The following USF1 variants were observed in gnomAD, a reference collection of about 807,000 sequenced individuals.
USF1 encodes the protein upstream transcription factor 1, also known as upstream stimulatory factor 1.
A neutral mutation model predicts 46.3 loss-of-function variants in USF1; 22 were observed. The ratio of observed to expected loss-of-function variants is 0.47; its 90% CI spans 0.34 to 0.68. The LOEUF is 0.68. Among genes scored for constraint, USF1 ranks in the 30% least tolerant of loss-of-function variants. The probability of loss-of-function intolerance (pLI) is 0.01; values close to 1 mark genes in which losing one functional copy is unlikely to be tolerated. For missense variants in USF1, 287 were observed against 399.3 expected (o/e 0.72, Z 2.40); for synonymous variants, 150 against 147.0 (o/e 1.02, Z -0.15).
chr1:161,040,695 G>C lies in USF1; in HGVS notation c.620-25C>G. On this transcript the variant is annotated intron_variant, in intron 8 of 10. Coordinates refer to ENST00000368021, the MANE Select transcript of USF1 (RefSeq NM_007122.5). This position sits in a 1 kb window ranked among gnomAD's most constrained non-coding sequence, Gnocchi z 4.0. Reference sequence around the variant, plus strand: ...ACTGTGGGGCAAAGTGGAGGACAAGGTGACTCAGTGAAAACTCGCCACAAG... The same window carrying C: ...ACTGTGGGGCAAAGTGGAGGACAAGCTGACTCAGTGAAAACTCGCCACAAG... The C allele has an allele frequency of 6.2e-7, 1 of 1,611,062 alleles. No homozygotes were observed.
At chr1:161,044,382 TCAGCCA>T (rs1402545806) in intron 1 of USF1, among the ~76,000 whole-genome samples, 4 of 152,232 alleles carry the variant, frequency 2.6e-5, no homozygotes, top group Non-Finnish European at 5.9e-5. Flanking sequence ...TTCCAGTTTC[TCAGCCA>T]CATGTTGTCC....
intron 2 of USF1, 80 bp from the exon 3 acceptor site, chr1:161,042,962 C>T (rs1650636255): frequency 1.3e-6 from 2 of 1,588,002 alleles, no homozygotes; most frequent in East Asian, 4.5e-5. Context: ...CATATGGCTG[C>T]AAACTCATTG....
In USF1 at chr1:161,041,349, C is replaced by A; in HGVS notation, c.535G>T (p.Ala179Ser). 1 of 1,611,796 alleles carries A rather than the reference C, an allele frequency of 6.2e-7. No individual in the cohort carries two copies. Among genetic ancestry groups the A allele is most frequent in the Non-Finnish European group, 8.5e-7 (1 of 1,179,386 alleles). ...GGGGAATAAGGGTGAGTCCTAGGGGCAATTGAGCGCTGGCTTCCTCCCTGC... is the reference window on the plus strand; with the variant it reads ...GGGGAATAAGGGTGAGTCCTAGGGGAAATTGAGCGCTGGCTTCCTCCCTGC... ...VLQGGSQRSIAPRTHPYSPKS... is the reference protein window; with the variant it reads ...VLQGGSQRSISPRTHPYSPKS... Residue 179 changes from alanine to serine, a missense_variant, in exon 7 of 11, where the codon GCC becomes TCC. Ala to Ser is a moderately conservative substitution (Grantham distance 99, BLOSUM62 1). Coordinates refer to ENST00000368021, the MANE Select transcript of USF1 (RefSeq NM_007122.5).
intron 1 of USF1, chr1:161,044,825 C>T: frequency 6.6e-6 from 1 of 152,618 alleles, no homozygotes; most frequent in Non-Finnish European, 1.5e-5. Context: ...CAGAAAGAAA[C>T]AGCTACACAG....
In USF1 at chr1:161,039,963, C is replaced by T. The variant is rs773775822; in HGVS notation, c.890G>A (p.Arg297Gln). ...GATGACGACCTCTAATCCGTGGTGCCGCAACTGAGCTCGAAGCAGCAGATT... is the reference window on the plus strand; with the variant it reads ...GATGACGACCTCTAATCCGTGGTGCTGCAACTGAGCTCGAAGCAGCAGATT... ...NKNLLLRAQL[R>Q]HHGLEVVIKN... The change falls in exon 11 of 11, where the codon CGG becomes CAG. Residue 297 changes from arginine (R) to glutamine (Q), a missense_variant. Physicochemically the swap from Arg to Gln is conservative, Grantham distance 43. Coordinates refer to ENST00000368021, the MANE Select transcript of USF1 (RefSeq NM_007122.5). 19 of 1,614,184 alleles carry T rather than the reference C, an allele frequency of 1.2e-5. No homozygotes were observed. Among genetic ancestry groups the T allele is most frequent in the East Asian group, 2.2e-5 (1 of 44,890 alleles).
chr1:161,042,174 C>T lies in USF1; in HGVS notation c.218G>A (p.Gly73Asp), dbSNP rs1650594157. Residue 73 changes from glycine (G) to aspartate (D), a missense_variant, in exon 5 of 11, where the codon GGC becomes GAC. Gly to Asp is a moderately conservative substitution (Grantham distance 94). Transcript: ENST00000368021. ...VIQVSEGQLD[G>D]QTEGTGAISG... ...GATGGCGCCAGTTCCCTCAGTTTGG[C>T]CATCCAGCTGCCCCTCAGACACCTG... 1 of 1,613,992 alleles carries T rather than the reference C, an allele frequency of 6.2e-7. No individual in the cohort carries two copies. Among genetic ancestry groups the T allele is most frequent in the Non-Finnish European group, 8.5e-7 (1 of 1,179,970 alleles).
Position 161,040,846 on chromosome 1 carries a change from C to A in USF1, c.587G>T (p.Arg196Leu). The A allele has an allele frequency of 1.2e-6, 2 of 1,614,034 alleles. No individual in the cohort carries two copies. The highest frequency in any genetic ancestry group is 1.7e-6 in the Non-Finnish European group (2 of 1,180,002). ...ATGCTGAGCCCTGCGTTTCTCATCC[C>A]GAGTCGTCCGGGGAGCTTCTGACTT... Reference protein sequence around the residue: ...SPKSEAPRTTRDEKRRAQHNE... With the variant: ...SPKSEAPRTTLDEKRRAQHNE... Residue 196 changes from arginine to leucine, a missense_variant, in exon 8 of 11, where the codon CGG becomes CTG. Physicochemically the swap from Arg to Leu is moderately radical, Grantham distance 102. Coordinates refer to ENST00000368021, the MANE Select transcript of USF1 (RefSeq NM_007122.5). This position sits in a 1 kb window ranked among gnomAD's most constrained non-coding sequence, Gnocchi z 4.0.
chr1:161,043,728 A>T (rs571382940), intron 1 of USF1, among the ~76,000 whole-genome samples: 1 of 144,852 alleles, frequency 6.9e-6, no homozygotes, highest in African/African-American at 2.6e-5. Context: ...GGTTCAAGTG[A>T]TTCTCCTGCC....
rs17181932 is a variant in USF1, at chr1:161,039,890, C to T, written c.*30G>A. 5.6e-3 allele frequency: 8,986 copies of T among 1,612,476 alleles called. 403 individuals carry two copies. The African/African-American group carries it at 0.1, about 18-fold the overall frequency. On this transcript the variant is annotated 3_prime_UTR_variant, in exon 11 of 11. Coordinates refer to ENST00000368021, the MANE Select transcript of USF1 (RefSeq NM_007122.5). ...TGTTGCTCCTGGGCTATCTGCAGTT[C>T]TTGGGCCCAAAGCCCCTGAATCCCC...
rs146372368 is a variant in USF1, at chr1:161,039,956, G to A, written c.897C>T (p.His299=). ...NLLLRAQLRH[H]GLEVVIKNDS... Reference sequence around the variant, plus strand: ...CATTCTTGATGACGACCTCTAATCCGTGGTGCCGCAACTGAGCTCGAAGCA... The same window carrying A: ...CATTCTTGATGACGACCTCTAATCCATGGTGCCGCAACTGAGCTCGAAGCA... Residue 299 remains histidine (H), a synonymous_variant, in exon 11 of 11, where the codon CAC becomes CAT. Coordinates refer to ENST00000368021, the MANE Select transcript of USF1 (RefSeq NM_007122.5). 65 of 1,614,038 alleles carry A rather than the reference G, an allele frequency of 4.0e-5. No homozygotes were observed. The highest frequency in any genetic ancestry group is 4.0e-5 in the African/African-American group (3 of 74,928).
chr1:161,042,252 G>C, intron 4 of USF1, 35 bp from the exon 5 acceptor site: 1 of 1,580,448 alleles, frequency 6.3e-7, no homozygotes, highest in Non-Finnish European at 8.6e-7. Flanking sequence ...GGAGTGAAGA[G>C]AGAAGAAAAG....
intron 2 of USF1, 53 bp downstream of exon 2, chr1:161,043,215 A>T (rs1650645441): frequency 2.5e-6 from 4 of 1,614,046 alleles, no homozygotes; most frequent in South Asian, 1.1e-5. Context: ...GTCATTTTGC[A>T]TTCTTCCAGG....
chr1:161,039,272 TAAAAAAAAAAAAAAAAAAA>T lies in USF1; in HGVS notation c.*629_*647del, dbSNP rs748404757. The T allele has an allele frequency of 0.028, 1,686 of 59,334 alleles. 34 individuals are homozygous for T. The highest frequency in any genetic ancestry group is 0.035 in the Admixed American group (133 of 3,818). The allele number at this position is 59,334 out of a possible 1,614,324, so 3.7% of individuals were successfully genotyped here. A position where few individuals can be genotyped will look rare whatever the true frequency, so the allele number is the denominator to read the frequency against. The stretch of plus-strand genomic sequence containing the variant: ...ACTGTGGCTTTGAACAATTTTATCT[TAAAAAAAAAAAAAAAAAAA>T]AAAAAAAAAGAAAAGAAAAAAAAAA... On this transcript the variant is annotated 3_prime_UTR_variant, in exon 11 of 11. Transcript: ENST00000368021.
intron 1 of USF1, among the ~76,000 whole-genome samples, chr1:161,043,620 CTTTT>C (rs34611572): frequency 2.3e-3 from 279 of 119,558 alleles, no homozygotes; most frequent in African/African-American, 4.1e-3. Flanking sequence ...AGAAACAACA[CTTTT>C]TTTTTTTTTT....
intron 3 of USF1, 42 bp downstream of exon 3, chr1:161,042,791 C>A: frequency 6.2e-7 from 1 of 1,613,800 alleles, no homozygotes; most frequent in Non-Finnish European, 8.5e-7. Context: ...GGAAGGGAGG[C>A]CATGATGGGT....
At position 161,040,573 on chromosome 1, in the gene USF1, G is replaced by C. The variant is rs372068185; in HGVS notation, c.714+3C>G. ...CTGCCCACTACCAGGGTCTTTCCATGACCTGGCCAGACTTGGTGCTCTCCA... is the reference window on the plus strand; with the variant it reads ...CTGCCCACTACCAGGGTCTTTCCATCACCTGGCCAGACTTGGTGCTCTCCA... On this transcript the variant is annotated splice_donor_region_variant and intron_variant, in intron 9 of 10. Transcript: ENST00000368021. The surrounding 1 kb of genome is among the most constrained non-coding windows in gnomAD (Gnocchi z 4.0). 6 of 1,611,690 alleles carry C rather than the reference G, an allele frequency of 3.7e-6. No homozygotes were observed. Among genetic ancestry groups the C allele is most frequent in the Non-Finnish European group, 5.1e-6 (6 of 1,179,466 alleles).
Position 161,039,859 on chromosome 1 carries a change from T to A in USF1, c.*61A>T. On this transcript the variant is annotated 3_prime_UTR_variant, in exon 11 of 11. Transcript: ENST00000368021. ...GGCAGTGAAGGAAAGGGGCACGGGATTAGGCTGTTGCTCCTGGGCTATCTG... is the reference window on the plus strand; with the variant it reads ...GGCAGTGAAGGAAAGGGGCACGGGAATAGGCTGTTGCTCCTGGGCTATCTG... 1.3e-6 allele frequency: 2 copies of A among 1,567,788 alleles called. No individual in the cohort carries two copies. Among genetic ancestry groups the A allele is most frequent in the Non-Finnish European group, 1.8e-6 (2 of 1,140,116 alleles).
At chr1:161,045,315 C>G (rs890264687) in intron 1 of USF1, among the ~76,000 whole-genome samples, 4 of 152,280 alleles carry the variant, frequency 2.6e-5, no homozygotes, top group Admixed American at 6.5e-5. Context: ...AGGGATGGGA[C>G]GTTGTGGTGT....
intron 5 of USF1, 103 bp from the exon 6 acceptor site, chr1:161,041,949 GA>G: frequency 1.1e-6 from 1 of 916,742 alleles, no homozygotes; most frequent in Non-Finnish European, 1.5e-6. Flanking sequence ...GTAGGGTGGA[GA>G]GAGAGAGAGA....
Sources: gnomAD v4.1 joint callset for allele counts (sites outside exome capture counted in the v4.1 genomes callset) on GRCh38, gnomAD v4.1.1 for gene constraint, Gnocchi (gnomAD v3.1) non-coding constraint, MANE v1.5 for transcripts, NCBI Gene and HGNC (gene_info 2026-07-23, HGNC 2026-07-21) for gene names.